Variants in FRMD6 observed in about 807,000 individuals in gnomAD.
FRMD6 encodes FERM domain containing 6, also known as FERM domain-containing protein 6.
In FRMD6, 37 loss-of-function variants were observed where a neutral mutation model predicts 73.2. The observed-to-expected ratio is 0.51, with a 90% CI of 0.39 to 0.66. The LOEUF is 0.66. FRMD6 is among the 30% of genes least tolerant of loss of function. The pLI is 0.00. For synonymous variants in FRMD6, 273 were observed against 282.2 expected (o/e 0.97, Z 0.33); for missense variants, 714 against 780.5 (o/e 0.91, Z 1.02).
At chr14:51,581,252 C>G (rs1338474792) in intron 2 of FRMD6, among the ~76,000 whole-genome samples, 5 of 152,182 alleles carry the variant, frequency 3.3e-5, no homozygotes, top group Admixed American at 3.3e-4. Flanking sequence ...CCCCATCTTT[C>G]TTTATCTACT....
Position 51,518,864 on chromosome 14 carries a change from C to T in FRMD6, c.-210+29444C>T, listed in dbSNP as rs188341288. 1.2e-3 allele frequency among the ~76,000 whole-genome samples: 179 copies of T among 152,228 alleles called. 1 individual carries two copies. Among genetic ancestry groups the T allele is most frequent in the South Asian group, 2.7e-3 (13 of 4,830 alleles). On this transcript the variant is annotated intron_variant, in intron 1 of 14. Coordinates refer to the FRMD6 transcript ENST00000356218. ...TTTGATTATAGCTGTCTTATTATAGCAAATTATGCATGTAATTCTGAATAA... is the reference window on the plus strand; with the variant it reads ...TTTGATTATAGCTGTCTTATTATAGTAAATTATGCATGTAATTCTGAATAA...
At chr14:51,406,732 C>T in the FRMD6 span, among the ~76,000 whole-genome samples, 5 of 152,130 alleles carry the variant, frequency 3.3e-5, no homozygotes, top group Non-Finnish European at 5.9e-5. Context: ...TCACTACTTC[C>T]ATATGTATTT....
chr14:51,515,602 A>T (rs540984557), intron 1 of FRMD6, among the ~76,000 whole-genome samples: 1 of 152,298 alleles, frequency 6.6e-6, no homozygotes, highest in Non-Finnish European at 1.5e-5. Flanking sequence ...CCCCTTGATG[A>T]TAGGTTTCCT....
the FRMD6 span, among the ~76,000 whole-genome samples, chr14:51,433,349 T>C: frequency 3.3e-5 from 5 of 152,192 alleles, no homozygotes; most frequent in Admixed American, 6.5e-5. Context: ...CATGGAGTAC[T>C]ATATATCTGT....
At chr14:51,707,045 C>G (rs1219332128) in intron 6 of FRMD6, among the ~76,000 whole-genome samples, 1 of 152,044 alleles carries the variant, frequency 6.6e-6, no homozygotes, top group Non-Finnish European at 1.5e-5. Flanking sequence ...TCAGTTTCCC[C>G]CACCCTTGGG....
At chr14:51,659,425 A>G (rs1349754706) in intron 1 of FRMD6, among the ~76,000 whole-genome samples, 1 of 152,228 alleles carries the variant, frequency 6.6e-6, no homozygotes, top group Non-Finnish European at 1.5e-5. Flanking sequence ...GCATTTCATG[A>G]GATTTAACTT....
At chr14:51,623,688 G>C (rs748190698) in intron 2 of FRMD6, among the ~76,000 whole-genome samples, 5 of 152,100 alleles carry the variant, frequency 3.3e-5, no homozygotes, top group African/African-American at 1.2e-4. Context: ...TTCACGCCTT[G>C]TTCCATTAGC....
intron 2 of FRMD6, among the ~76,000 whole-genome samples, chr14:51,576,794 G>T (rs565174229): frequency 1.3e-5 from 2 of 152,250 alleles, no homozygotes; most frequent in East Asian, 1.9e-4. Context: ...GGGCCATCTT[G>T]TCTGGCACGT....
chr14:51,505,390 G>A (rs528508898), intron 1 of FRMD6, among the ~76,000 whole-genome samples: 16 of 152,036 alleles, frequency 1.1e-4, no homozygotes, highest in African/African-American at 1.7e-4. Context: ...CTTGTTTATC[G>A]AATTTTTACA....
chr14:51,707,413 A>G (rs1171181177), intron 6 of FRMD6, among the ~76,000 whole-genome samples: 1 of 152,176 alleles, frequency 6.6e-6, no homozygotes, highest in East Asian at 1.9e-4. Context: ...ACTTTAATCA[A>G]CACCTTTCTC....
chr14:51,647,572 T>C (rs1892133911), upstream of FRMD6, among the ~76,000 whole-genome samples: 1 of 152,216 alleles, frequency 6.6e-6, no homozygotes, highest in Non-Finnish European at 1.5e-5. Flanking sequence ...TAGGACTTAA[T>C]TAAATTTATT....
chr14:51,424,512 G>A, the FRMD6 span, among the ~76,000 whole-genome samples: 1 of 150,888 alleles, frequency 6.6e-6, no homozygotes, highest in Non-Finnish European at 1.5e-5. Flanking sequence ...GGACGCTTCC[G>A]CTGAAAGGCA....
At chr14:51,538,310 C>A (rs776620941) in intron 1 of FRMD6, among the ~76,000 whole-genome samples, 2 of 151,526 alleles carry the variant, frequency 1.3e-5, no homozygotes, top group African/African-American at 4.9e-5. Flanking sequence ...CCTCACTTGA[C>A]TTATCTATGA....
chr14:51,727,650 A>G, intron 13 of FRMD6, 95 bp from the exon 14 acceptor site: 1 of 1,223,596 alleles, frequency 8.2e-7, no homozygotes, highest in South Asian at 1.5e-5. Context: ...TGTAAGGATT[A>G]CTTAACCTTT....
intron 1 of FRMD6, among the ~76,000 whole-genome samples, chr14:51,667,189 A>G (rs1486803541): frequency 1.3e-5 from 2 of 152,166 alleles, no homozygotes; most frequent in African/African-American, 2.4e-5. Context: ...AACAACTTTT[A>G]TTTTATGAAA....
the FRMD6 span, among the ~76,000 whole-genome samples, chr14:51,448,241 T>C: frequency 1.3e-5 from 2 of 152,392 alleles, no homozygotes; most frequent in Admixed American, 6.5e-5. Flanking sequence ...ATTATATAGA[T>C]AGCATTCATT....
At chr14:51,593,442 A>G (rs537472221) in intron 2 of FRMD6, among the ~76,000 whole-genome samples, 2 of 152,254 alleles carry the variant, frequency 1.3e-5, no homozygotes, top group Non-Finnish European at 2.9e-5. Context: ...CTTTTAAAAT[A>G]AAAACTTACT....
the FRMD6 span, among the ~76,000 whole-genome samples, chr14:51,424,029 T>C: frequency 6.6e-6 from 1 of 152,192 alleles, no homozygotes. Context: ...TATACAACAG[T>C]AAATTGTATG....
At chr14:51,569,125 C>T (rs1457554597) in intron 1 of FRMD6, among the ~76,000 whole-genome samples, 3 of 152,112 alleles carry the variant, frequency 2.0e-5, no homozygotes, top group Admixed American at 1.3e-4. Context: ...GGATTACAGG[C>T]GTGAGCCACT....
Sources: allele counts gnomAD v4.1 joint callset (sites outside exome capture counted in the v4.1 genomes callset), GRCh38; gene constraint gnomAD v4.1.1; transcripts MANE v1.5; gene names NCBI Gene and HGNC (gene_info 2026-07-23, HGNC 2026-07-21).